CAMK2D: variants seen among roughly 807,000 people sequenced by gnomAD.
CAMK2D encodes calcium/calmodulin dependent protein kinase II delta.
A neutral mutation model predicts 84.0 loss-of-function variants in CAMK2D; 37 were observed. That is an observed-to-expected ratio of 0.44 (90% confidence interval 0.34 to 0.58). The LOEUF (loss-of-function observed/expected upper bound fraction) is 0.58, where lower values mean the gene tolerates loss of function less well. Among genes scored for constraint, CAMK2D ranks in the 20% least tolerant of loss-of-function variants. The pLI is 0.02. For missense variants in CAMK2D, 448 were observed against 652.5 expected, an observed-to-expected ratio of 0.69 and a Z score of 3.41; for synonymous variants, 202 against 212.5, an observed-to-expected ratio of 0.95 and a Z score of 0.43.
intron 4 of CAMK2D, among the ~76,000 whole-genome samples, chr4:113,580,596 AT>A (rs1274349284): frequency 6.6e-6 from 1 of 152,166 alleles, no homozygotes; most frequent in Non-Finnish European, 1.5e-5. Flanking sequence ...CTTTGTTGTG[AT>A]TAAGAGATCA....
chr4:113,610,406 C>T (rs550488746), intron 3 of CAMK2D, among the ~76,000 whole-genome samples: 7 of 152,280 alleles, frequency 4.6e-5, no homozygotes, highest in African/African-American at 1.7e-4. Flanking sequence ...CACTGATGAC[C>T]ACCACATGGA....
intron 2 of CAMK2D, among the ~76,000 whole-genome samples, chr4:113,702,318 C>A (rs910682678): frequency 1.3e-5 from 2 of 152,130 alleles, no homozygotes; most frequent in African/African-American, 2.4e-5. Context: ...CTTCGCATGT[C>A]ACATACGGTC....
intron 2 of CAMK2D, among the ~76,000 whole-genome samples, chr4:113,667,907 G>A (rs1319369987): frequency 6.6e-6 from 1 of 152,076 alleles, no homozygotes; most frequent in Non-Finnish European, 1.5e-5. Context: ...TCTTTTCATG[G>A]CAAAGTAGAA....
At chr4:113,490,335 G>C (rs1428017619) in intron 16 of CAMK2D, among the ~76,000 whole-genome samples, 1 of 146,052 alleles carries the variant, frequency 6.8e-6, no homozygotes, top group Non-Finnish European at 1.5e-5. Context: ...TGTAAGGAAG[G>C]GATCCAGTTT....
At chr4:113,454,592 T>G in intron 20 of CAMK2D, 77 bp from the exon 21 acceptor site, 1 of 763,420 alleles carries the variant, frequency 1.3e-6, no homozygotes, top group Admixed American at 1.7e-5. Flanking sequence ...GCCATAGATT[T>G]GACTAGGCTA....
chr4:113,522,689 T>C (rs1345051414), intron 8 of CAMK2D, among the ~76,000 whole-genome samples: 1 of 152,166 alleles, frequency 6.6e-6, no homozygotes, highest in African/African-American at 2.4e-5. Flanking sequence ...ACAATTACTA[T>C]AAAAGAGCAA....
chr4:113,511,306 TA>T (rs910252792), intron 12 of CAMK2D, among the ~76,000 whole-genome samples: 2 of 152,082 alleles, frequency 1.3e-5, no homozygotes, highest in East Asian at 1.9e-4. Flanking sequence ...AGTGATGGAT[TA>T]AAAAAATTGC....
intron 16 of CAMK2D, among the ~76,000 whole-genome samples, chr4:113,493,981 T>C (rs2097886715): frequency 1.3e-5 from 2 of 152,290 alleles, no homozygotes; most frequent in African/African-American, 4.8e-5. Context: ...TGAGCCTTGG[T>C]TTTCAGCTCC....
chr4:113,687,895 A>G (rs1333102920), intron 2 of CAMK2D, among the ~76,000 whole-genome samples: 1 of 152,188 alleles, frequency 6.6e-6, no homozygotes, highest in Non-Finnish European at 1.5e-5. Flanking sequence ...TAATTTTAAG[A>G]TACTTCTCTG....
At chr4:113,551,326 A>G (rs1560908068) in intron 5 of CAMK2D, among the ~76,000 whole-genome samples, 1 of 152,196 alleles carries the variant, frequency 6.6e-6, no homozygotes, top group Non-Finnish European at 1.5e-5. Context: ...GATTTTGCCA[A>G]TTAACAAGAT....
intron 3 of CAMK2D, among the ~76,000 whole-genome samples, chr4:113,614,390 C>T (rs908075662): frequency 2.0e-5 from 3 of 152,048 alleles, no homozygotes; most frequent in African/African-American, 7.2e-5. Context: ...GCAGTCCCCT[C>T]CCACATTACC....
At chr4:113,520,695 C>G (rs1169912658) in intron 8 of CAMK2D, among the ~76,000 whole-genome samples, 3 of 151,946 alleles carry the variant, frequency 2.0e-5, no homozygotes, top group African/African-American at 7.3e-5. Context: ...ACACTAGCAG[C>G]CTTTTATGAT....
intron 3 of CAMK2D, among the ~76,000 whole-genome samples, chr4:113,652,728 T>A (rs1561613794): frequency 6.6e-6 from 1 of 152,160 alleles, no homozygotes; most frequent in Non-Finnish European, 1.5e-5. Flanking sequence ...GATTCTACCC[T>A]GAATGTAGTG....
Position 113,582,954 on chromosome 4 carries a change from T to C in CAMK2D, c.275+26198A>G, listed in dbSNP as rs148749858. 6.0e-4 allele frequency among the ~76,000 whole-genome samples: 91 copies of C among 152,342 alleles called. 1 individual carries two copies. Among genetic ancestry groups the C allele is most frequent in the Middle Eastern group, 3.4e-3 (1 of 294 alleles). ...CACCGTCACACACCAAATCGGAAGA[T>C]AGGCATTCCCTATTGGGGCAGAGAC... On this transcript the variant is annotated intron_variant, in intron 4 of 20. Coordinates refer to ENST00000511664, the MANE Select transcript of CAMK2D (RefSeq NM_001321571.2).
At chr4:113,592,529 G>C (rs1362983199) in intron 4 of CAMK2D, among the ~76,000 whole-genome samples, 1 of 152,088 alleles carries the variant, frequency 6.6e-6, no homozygotes, top group East Asian at 1.9e-4. Context: ...TTAACTTTTT[G>C]AGAAAATTGT....
chr4:113,515,861 C>T (rs1318640753), intron 9 of CAMK2D, among the ~76,000 whole-genome samples: 1 of 152,162 alleles, frequency 6.6e-6, no homozygotes, highest in Non-Finnish European at 1.5e-5. Context: ...CTTATAACTT[C>T]CCATTACTAA....
intron 3 of CAMK2D, among the ~76,000 whole-genome samples, chr4:113,652,607 CAACAA>C: frequency 6.6e-6 from 1 of 152,168 alleles, no homozygotes; most frequent in East Asian, 1.9e-4. Flanking sequence ...ACTCAAGCCC[CAACAA>C]AACAAAGTAC....
intron 4 of CAMK2D, among the ~76,000 whole-genome samples, chr4:113,557,814 T>A (rs1489331379): frequency 6.6e-6 from 1 of 152,206 alleles, no homozygotes; most frequent in Non-Finnish European, 1.5e-5. Context: ...TGAGCATGGA[T>A]GAGTTGATAT....
chr4:113,552,294 T>A (rs2098634675), intron 4 of CAMK2D, among the ~76,000 whole-genome samples, 198 bp from the exon 5 acceptor site: 1 of 152,190 alleles, frequency 6.6e-6, no homozygotes, highest in Admixed American at 6.5e-5. Flanking sequence ...TGTCTATCAT[T>A]AGACACATGA....
Sources: gnomAD v4.1 joint callset for allele counts (sites outside exome capture counted in the v4.1 genomes callset) on GRCh38, gnomAD v4.1.1 for gene constraint, MANE v1.5 for transcripts, NCBI Gene and HGNC (gene_info 2026-07-23, HGNC 2026-07-21) for gene names.